PRKG1: variants seen among roughly 807,000 people sequenced by gnomAD.
PRKG1 encodes protein kinase cGMP-dependent 1.
In PRKG1, 35 loss-of-function variants were observed where a neutral mutation model predicts 88.1. That is an observed-to-expected ratio of 0.40 (90% confidence interval 0.30 to 0.53). The LOEUF is 0.53. Among genes scored for constraint, PRKG1 ranks in the 20% least tolerant of loss-of-function variants. The pLI, the probability that PRKG1 is intolerant of heterozygous loss-of-function variation, is 0.59. For synonymous variants in PRKG1, 303 were observed against 292.5 expected (o/e 1.04, Z -0.37); for missense variants, 540 against 839.8 (o/e 0.64, Z 4.41).
chr10:52,200,880 C>T (rs1442932511), intron 9 of PRKG1, among the ~76,000 whole-genome samples: 1 of 152,062 alleles, frequency 6.6e-6, no homozygotes, highest in Non-Finnish European at 1.5e-5. Flanking sequence ...TGGTCATGTC[C>T]TTTGCCCACT....
Position 51,153,349 on chromosome 10 carries a change from A to T in PRKG1, c.478+19A>T. On this transcript the variant is annotated intron_variant, in intron 2 of 17. Coordinates refer to ENST00000373980, the MANE Select transcript of PRKG1 (RefSeq NM_006258.4). ...ATGGAAGGTACGGTTTGTAACTCCA[A>T]TCCTCTGACATTCAAATATTCTTTT... 1.3e-6 allele frequency: 2 copies of T among 1,567,028 alleles called. No homozygotes were observed. The highest frequency in any genetic ancestry group is 1.7e-6 in the Non-Finnish European group (2 of 1,153,406).
intron 2 of PRKG1, among the ~76,000 whole-genome samples, chr10:51,373,567 C>T (rs1425946425): frequency 5.9e-5 from 9 of 152,124 alleles, no homozygotes; most frequent in Admixed American, 5.9e-4. Flanking sequence ...CATGCCTTAG[C>T]TATATTTCCC....
At chr10:51,124,952 T>A (rs975780324) in intron 1 of PRKG1, among the ~76,000 whole-genome samples, 2 of 152,224 alleles carry the variant, frequency 1.3e-5, no homozygotes, top group Non-Finnish European at 2.9e-5. Flanking sequence ...CTAAGTGCTT[T>A]ATGTATTTTA....
chr10:51,868,382 G>A (rs1397808234), intron 4 of PRKG1, among the ~76,000 whole-genome samples: 1 of 152,066 alleles, frequency 6.6e-6, no homozygotes, highest in Non-Finnish European at 1.5e-5. Context: ...AAAACCAGAA[G>A]AATTTAGCTT....
intron 2 of PRKG1, among the ~76,000 whole-genome samples, chr10:51,318,538 G>A (rs2132503807): frequency 6.6e-6 from 1 of 152,210 alleles, no homozygotes; most frequent in South Asian, 2.1e-4. Context: ...TCAGTGCTGT[G>A]GAAATACTGA....
At chr10:51,350,917 C>T (rs560712008) in intron 2 of PRKG1, among the ~76,000 whole-genome samples, 7 of 152,082 alleles carry the variant, frequency 4.6e-5, no homozygotes, top group Non-Finnish European at 8.8e-5. Flanking sequence ...CCTCCCCTAG[C>T]CCCCCATCCC....
chr10:52,067,729 T>C (rs1846387795), intron 7 of PRKG1, among the ~76,000 whole-genome samples: 1 of 151,660 alleles, frequency 6.6e-6, no homozygotes, highest in South Asian at 2.1e-4. Flanking sequence ...TTTTTTTTTT[T>C]CTTTCCTTGC....
At chr10:52,060,147 A>C (rs1846204204) in intron 6 of PRKG1, among the ~76,000 whole-genome samples, 1 of 151,914 alleles carries the variant, frequency 6.6e-6, no homozygotes, top group Non-Finnish European at 1.5e-5. Flanking sequence ...GATAATATGG[A>C]AACTTGATTT....
intron 5 of PRKG1, among the ~76,000 whole-genome samples, chr10:52,040,803 T>C (rs2133229694): frequency 6.6e-6 from 1 of 151,750 alleles, no homozygotes; most frequent in South Asian, 2.1e-4. Flanking sequence ...AGTATGATGT[T>C]AGCTGTGAGT....
In PRKG1 at chr10:51,766,037, C is replaced by T. The variant is rs543446255; in HGVS notation, c.593-38548C>T. Among the ~76,000 whole-genome samples the T allele has an allele frequency of 2.8e-4, 43 of 152,090 alleles. No individual in the cohort carries two copies. In the South Asian group the frequency reaches 7.3e-3, roughly 26 times the overall value. ...CTGTGCCCTCATGTTGCAGTCACACCAATGCACCACAATGTAGCAGTCTCT... is the reference window on the plus strand; with the variant it reads ...CTGTGCCCTCATGTTGCAGTCACACTAATGCACCACAATGTAGCAGTCTCT... On this transcript the variant is annotated intron_variant, in intron 3 of 17. Coordinates refer to ENST00000373980, the MANE Select transcript of PRKG1 (RefSeq NM_006258.4).
chr10:51,892,322 G>C (rs920325547), intron 4 of PRKG1, among the ~76,000 whole-genome samples: 3 of 151,932 alleles, frequency 2.0e-5, no homozygotes, highest in African/African-American at 7.3e-5. Flanking sequence ...TTTATTTATG[G>C]AGCCCTTCTC....
intron 3 of PRKG1, among the ~76,000 whole-genome samples, chr10:51,571,700 GA>G (rs1252077494): frequency 6.6e-6 from 1 of 151,866 alleles, no homozygotes; most frequent in Non-Finnish European, 1.5e-5. Flanking sequence ...TAGGGAATAT[GA>G]AATGCATTTT....
chr10:51,115,745 G>A (rs1178313286), intron 1 of PRKG1, among the ~76,000 whole-genome samples: 2 of 151,022 alleles, frequency 1.3e-5, no homozygotes, highest in Non-Finnish European at 1.5e-5. Flanking sequence ...GCTGAGGGGG[G>A]AGAATTACTT....
chr10:51,161,594 A>C (rs1846364525), intron 2 of PRKG1, among the ~76,000 whole-genome samples: 1 of 152,168 alleles, frequency 6.6e-6, no homozygotes, highest in Non-Finnish European at 1.5e-5. Context: ...TTGTTTTGAG[A>C]TGATGGTTGA....
intron 5 of PRKG1, among the ~76,000 whole-genome samples, chr10:52,042,196 G>T (rs992030303): frequency 6.6e-6 from 1 of 152,010 alleles, no homozygotes; most frequent in Non-Finnish European, 1.5e-5. Flanking sequence ...AATACTAAGG[G>T]CATTCTTTGC....
intron 4 of PRKG1, among the ~76,000 whole-genome samples, chr10:51,834,641 C>A: frequency 1.5e-5 from 2 of 133,222 alleles, no homozygotes; most frequent in East Asian, 2.2e-4. Context: ...ACAGTGACAC[C>A]CTGTCAAAAA....
chr10:51,980,309 T>C (rs1193614681), intron 5 of PRKG1, among the ~76,000 whole-genome samples: 1 of 152,206 alleles, frequency 6.6e-6, no homozygotes, highest in African/African-American at 2.4e-5. Flanking sequence ...TTCTTAGTCT[T>C]GATCCCTAAT....
intron 3 of PRKG1, among the ~76,000 whole-genome samples, chr10:51,718,837 C>CA (rs111373816): frequency 0.29 from 39,601 of 136,538 alleles, 6,404 homozygotes; most frequent in African/African-American, 0.47. Context: ...TTAATGAGTG[C>CA]AAAAAAAAAA....
At chr10:51,029,760 A>T (rs1250509183) in intron 1 of PRKG1, among the ~76,000 whole-genome samples, 1 of 152,148 alleles carries the variant, frequency 6.6e-6, no homozygotes, top group South Asian at 2.1e-4. Context: ...GATCAAATGA[A>T]ATCGTGGCTT....
Sources: allele counts gnomAD v4.1 joint callset (sites outside exome capture counted in the v4.1 genomes callset), GRCh38; gene constraint gnomAD v4.1.1; transcripts MANE v1.5; gene names NCBI Gene and HGNC (gene_info 2026-07-23, HGNC 2026-07-21).